Variants in FGGY observed in about 807,000 individuals in gnomAD.
FGGY encodes FGGY carbohydrate kinase domain containing.
In FGGY, 72 loss-of-function variants were observed where a neutral mutation model predicts 71.3. That is an observed-to-expected ratio of 1.01 (90% CI 0.84 to 1.23). The LOEUF is 1.23. Ranked by LOEUF, FGGY falls within the 50% of genes most tolerant of loss-of-function variation. The probability of loss-of-function intolerance (pLI) is 0.00; values close to 1 mark genes in which losing one functional copy is unlikely to be tolerated. For missense variants in FGGY, 668 were observed against 682.3 expected, an observed-to-expected ratio of 0.98 and a Z score of 0.23; for synonymous variants, 251 against 250.3, an observed-to-expected ratio of 1.00 and a Z score of -0.02.
intron 12 of FGGY, chr1:59,660,500 C>G: frequency 2.5e-6 from 1 of 404,066 alleles, no homozygotes; most frequent in African/African-American, 2.0e-5. Context: ...TAACAAAAAG[C>G]TGAAAGGAGT....
intron 10 of FGGY, among the ~76,000 whole-genome samples, chr1:59,631,938 C>A (rs2096912097): frequency 6.6e-6 from 1 of 152,148 alleles, no homozygotes; most frequent in African/African-American, 2.4e-5. Context: ...AAACTTGATT[C>A]TCTTAGAGGT....
At chr1:59,582,507 G>C (rs1228895146) in intron 8 of FGGY, among the ~76,000 whole-genome samples, 1 of 149,584 alleles carries the variant, frequency 6.7e-6, no homozygotes, top group Non-Finnish European at 1.5e-5. Flanking sequence ...TTCATCTGTG[G>C]CATAGAACAC....
chr1:59,641,110 G>A (rs1236352451), intron 11 of FGGY, among the ~76,000 whole-genome samples: 1 of 151,014 alleles, frequency 6.6e-6, no homozygotes, highest in Non-Finnish European at 1.5e-5. Context: ...AGCTGGGAAG[G>A]GGGTTTGAGG....
At chr1:59,643,139 A>T (rs6679253) in intron 11 of FGGY, among the ~76,000 whole-genome samples, 130,628 of 152,032 alleles carry the variant, frequency 0.86, 56,395 homozygotes, top group Middle Eastern at 0.93. Context: ...TGAAACCAAA[A>T]GAAAATGTTA....
intron 8 of FGGY, among the ~76,000 whole-genome samples, chr1:59,556,486 A>C (rs2095688008): frequency 6.6e-6 from 1 of 152,180 alleles, no homozygotes; most frequent in African/African-American, 2.4e-5. Context: ...TGAGCTAAGA[A>C]CTGAAATCTA....
intron 4 of FGGY, among the ~76,000 whole-genome samples, chr1:59,355,879 T>G (rs1044786559): frequency 2.0e-5 from 3 of 151,978 alleles, no homozygotes; most frequent in Admixed American, 6.6e-5. Flanking sequence ...ACTGGCTGAA[T>G]CTGGTCCCCA....
intron 6 of FGGY, among the ~76,000 whole-genome samples, chr1:59,462,547 G>A (rs1000246024): frequency 9.9e-5 from 15 of 152,196 alleles, no homozygotes; most frequent in East Asian, 1.9e-4. Context: ...GAAAATTTTC[G>A]CAACCTACTT....
chr1:59,304,267 G>A (rs1219039287), intron 1 of FGGY, among the ~76,000 whole-genome samples: 1 of 151,972 alleles, frequency 6.6e-6, no homozygotes, highest in Non-Finnish European at 1.5e-5. Context: ...TAGTATAAGG[G>A]TTCAATTTCA....
chr1:59,483,995 A>C (rs989250582), intron 6 of FGGY, among the ~76,000 whole-genome samples: 2 of 152,188 alleles, frequency 1.3e-5, no homozygotes, highest in African/African-American at 4.8e-5. Context: ...TTGAGTGTGC[A>C]TTATATGCCA....
At chr1:59,433,899 G>A (rs1376417862) in intron 5 of FGGY, among the ~76,000 whole-genome samples, 1 of 152,182 alleles carries the variant, frequency 6.6e-6, no homozygotes, top group Non-Finnish European at 1.5e-5. Context: ...TTACACAAAT[G>A]GAGTTAACCC....
intron 5 of FGGY, among the ~76,000 whole-genome samples, chr1:59,450,759 T>G (rs982953678): frequency 1.3e-5 from 2 of 152,148 alleles, no homozygotes; most frequent in Non-Finnish European, 2.9e-5. Context: ...GGTAGTTTTC[T>G]TGGATTGAGC....
intron 8 of FGGY, among the ~76,000 whole-genome samples, chr1:59,594,065 T>G (rs1009268921): frequency 2.0e-5 from 3 of 152,206 alleles, no homozygotes; most frequent in Non-Finnish European, 2.9e-5. Flanking sequence ...AGTGTAAACA[T>G]CTGATGTCTC....
At chr1:59,391,271 C>A (rs995562046) in intron 5 of FGGY, among the ~76,000 whole-genome samples, 1 of 152,044 alleles carries the variant, frequency 6.6e-6, no homozygotes, top group Non-Finnish European at 1.5e-5. Flanking sequence ...TCAGGCCAGC[C>A]CAACCTGAGT....
intron 7 of FGGY, among the ~76,000 whole-genome samples, chr1:59,536,600 A>C (rs1392255762): frequency 2.6e-5 from 4 of 152,318 alleles, no homozygotes; most frequent in Admixed American, 2.6e-4. Flanking sequence ...GGCAAACCGA[A>C]TCCAGCAGCA....
At chr1:59,325,356 CCAA>C (rs563370217) in intron 2 of FGGY, among the ~76,000 whole-genome samples, 1 of 128,700 alleles carries the variant, frequency 7.8e-6, no homozygotes, top group African/African-American at 3.0e-5. Flanking sequence ...GACTCCGTGT[CCAA>C]CAACAGCAAC....
intron 4 of FGGY, among the ~76,000 whole-genome samples, chr1:59,347,991 A>G (rs1490018004): frequency 6.6e-6 from 1 of 152,182 alleles, no homozygotes; most frequent in Non-Finnish European, 1.5e-5. Flanking sequence ...CTGCACAGCA[A>G]AAGAAACTAC....
At chr1:59,399,946 C>G (rs543425591) in intron 5 of FGGY, among the ~76,000 whole-genome samples, 15 of 152,298 alleles carry the variant, frequency 9.8e-5, no homozygotes, top group African/African-American at 3.4e-4. Flanking sequence ...TGGACTTGAA[C>G]ATGAAAATGC....
At chr1:59,370,557 G>A (rs540998124) in intron 4 of FGGY, among the ~76,000 whole-genome samples, 76 of 151,732 alleles carry the variant, frequency 5.0e-4, no homozygotes, top group African/African-American at 1.5e-3. Context: ...TACAGAGAAC[G>A]CCACAAAGAT....
intron 14 of FGGY, among the ~76,000 whole-genome samples, chr1:59,716,942 C>T (rs1180137012): frequency 1.3e-5 from 2 of 152,142 alleles, no homozygotes; most frequent in African/African-American, 4.8e-5. Context: ...AATGTGGTGA[C>T]AGATTCTACA....
Sources: gnomAD v4.1 joint callset for allele counts (sites outside exome capture counted in the v4.1 genomes callset) on GRCh38, gnomAD v4.1.1 for gene constraint, MANE v1.5 for transcripts, NCBI Gene and HGNC (gene_info 2026-07-23, HGNC 2026-07-21) for gene names.